GRIP1: variants seen among roughly 807,000 people sequenced by gnomAD.
GRIP1 encodes the protein glutamate receptor interacting protein 1, also known as glutamate receptor-interacting protein 1.
A neutral mutation model predicts 129.9 loss-of-function variants in GRIP1; 45 were observed. That is an observed-to-expected ratio of 0.35 (90% CI 0.27 to 0.44). GRIP1 has a LOEUF of 0.44. Ranked by LOEUF, GRIP1 falls within the 20% of genes least tolerant of loss-of-function variation. The probability of loss-of-function intolerance (pLI) is 1.00; values close to 1 mark genes in which losing one functional copy is unlikely to be tolerated. For missense variants in GRIP1, 1,196 were observed against 1,396.8 expected (o/e 0.86, Z 2.29); for synonymous variants, 530 against 520.8 (o/e 1.02, Z -0.24).
At chr12:66,632,933 G>C (rs2030966066) in intron 1 of GRIP1, among the ~76,000 whole-genome samples, 1 of 152,084 alleles carries the variant, frequency 6.6e-6, no homozygotes, top group Non-Finnish European at 1.5e-5. Context: ...TTGAAGCTCA[G>C]GGTATAAGTG....
intron 1 of GRIP1, among the ~76,000 whole-genome samples, chr12:66,772,479 G>C (rs1008394212): frequency 6.6e-6 from 1 of 152,188 alleles, no homozygotes; most frequent in African/African-American, 2.4e-5. Flanking sequence ...CATCAATCCT[G>C]TTGGTGCCAA....
intron 14 of GRIP1, among the ~76,000 whole-genome samples, chr12:66,432,099 A>ATATACAATATGCTAATAATATATAT (rs2058165758): frequency 6.6e-6 from 1 of 152,150 alleles, no homozygotes; most frequent in Admixed American, 6.5e-5. Context: ...CTGTGAATTA[A>ATATACAATATGCTAATAATATATAT]TATACAATAT....
rs191558735 is a variant in GRIP1, at chr12:66,899,162, T to G, written c.58+169888A>C. Among the ~76,000 whole-genome samples the G allele has an allele frequency of 9.5e-4, 145 of 152,286 alleles. 2 individuals carry two copies. In the East Asian group the frequency reaches 0.027, roughly 28 times the overall value. Reference sequence around the variant, plus strand: ...TCTTTTAATTCACCCCAGACTGAACTTGATCTCTATCTTCTTTGACATTAG... The same window carrying G: ...TCTTTTAATTCACCCCAGACTGAACGTGATCTCTATCTTCTTTGACATTAG... On this transcript the variant is annotated intron_variant, in intron 1 of 1. Transcript: ENST00000643019.
intron 1 of GRIP1, among the ~76,000 whole-genome samples, chr12:66,946,791 G>A (rs1198860505): frequency 7.9e-6 from 1 of 126,276 alleles, no homozygotes; most frequent in Admixed American, 7.8e-5. Flanking sequence ...GGGATGGGGG[G>A]GGTGTGGGGG....
At chr12:66,952,273 G>A (rs1287082961) in intron 1 of GRIP1, among the ~76,000 whole-genome samples, 1 of 152,106 alleles carries the variant, frequency 6.6e-6, no homozygotes, top group East Asian at 1.9e-4. Context: ...CAAGAAGGGA[G>A]TGGCCATCAG....
intron 1 of GRIP1, among the ~76,000 whole-genome samples, chr12:66,611,124 T>C (rs988365740): frequency 6.6e-6 from 1 of 152,200 alleles, no homozygotes; most frequent in Admixed American, 6.6e-5. Context: ...CAATTAGGGA[T>C]GTATTGCTCA....
chr12:66,992,448 T>C (rs1303697820), intron 1 of GRIP1, among the ~76,000 whole-genome samples: 1 of 152,156 alleles, frequency 6.6e-6, no homozygotes, highest in African/African-American at 2.4e-5. Context: ...GAAGAAAGTA[T>C]AGAGCCAAAT....
At chr12:66,401,869 C>A (rs563080546) in intron 16 of GRIP1, among the ~76,000 whole-genome samples, 1 of 152,234 alleles carries the variant, frequency 6.6e-6, no homozygotes, top group South Asian at 2.1e-4. Context: ...TTGAATGGCT[C>A]ATTCAGCGCT....
At chr12:67,031,285 A>G (rs2043018509) in intron 1 of GRIP1, among the ~76,000 whole-genome samples, 1 of 152,192 alleles carries the variant, frequency 6.6e-6, no homozygotes, top group African/African-American at 2.4e-5. Flanking sequence ...GCCTTCTCAA[A>G]GCAAACTTCT....
At chr12:67,053,694 C>T (rs1014775162) in intron 1 of GRIP1, among the ~76,000 whole-genome samples, 11 of 151,786 alleles carry the variant, frequency 7.2e-5, no homozygotes, top group Admixed American at 2.6e-4. Flanking sequence ...AAAAATTAGC[C>T]AGGCGTGGTG....
chr12:66,399,221 C>T lies in GRIP1; in HGVS notation c.1985-4869G>A, dbSNP rs569383775. ...CTTCCTCCCTCCACCGTGCCAGGAG[C>T]GTTGAGTCAGCTTTAGGGTCAACTG... On this transcript the variant is annotated intron_variant, in intron 16 of 24. Coordinates refer to ENST00000359742, the MANE Select transcript of GRIP1 (RefSeq NM_001366722.1). Among the ~76,000 whole-genome samples, 5 of 152,034 alleles carry T rather than the reference C, an allele frequency of 3.3e-5. No individual in the cohort carries two copies. In the South Asian group the frequency reaches 8.3e-4, roughly 25 times the overall value.
At chr12:66,825,687 T>C (rs2039398422) in intron 1 of GRIP1, among the ~76,000 whole-genome samples, 1 of 152,182 alleles carries the variant, frequency 6.6e-6, no homozygotes, top group Non-Finnish European at 1.5e-5. Flanking sequence ...AATGTCAGCT[T>C]TTCCTCTGCT....
upstream of GRIP1, among the ~76,000 whole-genome samples, chr12:66,804,617 G>A (rs1036730999): frequency 1.1e-4 from 16 of 152,204 alleles, no homozygotes; most frequent in South Asian, 8.3e-4. Context: ...TCTCATCATC[G>A]GGGCGGGGGT....
intron 1 of GRIP1, among the ~76,000 whole-genome samples, chr12:66,920,521 T>C (rs1351183623): frequency 1.3e-5 from 2 of 152,150 alleles, no homozygotes; most frequent in Non-Finnish European, 2.9e-5. Context: ...GTAAGCACTG[T>C]CCAGTGACTG....
intron 16 of GRIP1, among the ~76,000 whole-genome samples, chr12:66,399,332 G>C (rs945738410): frequency 2.0e-5 from 3 of 151,710 alleles, no homozygotes; most frequent in African/African-American, 7.3e-5. Flanking sequence ...ATTTAAGAAG[G>C]AATACTCAGA....
At chr12:66,857,707 G>T (rs1456892990) in intron 1 of GRIP1, among the ~76,000 whole-genome samples, 3 of 152,018 alleles carry the variant, frequency 2.0e-5, no homozygotes, top group East Asian at 1.9e-4. Flanking sequence ...ACTTCAAGGA[G>T]CTCATTTTGA....
intron 1 of GRIP1, among the ~76,000 whole-genome samples, chr12:66,967,183 TTTAA>T (rs750002788): frequency 1.3e-5 from 2 of 152,184 alleles, no homozygotes; most frequent in Non-Finnish European, 2.9e-5. Flanking sequence ...TTATTTTGCT[TTTAA>T]TTGACAAATA....
At chr12:66,478,160 A>T (rs1044446456) in intron 7 of GRIP1, among the ~76,000 whole-genome samples, 2 of 152,126 alleles carry the variant, frequency 1.3e-5, no homozygotes, top group Admixed American at 6.6e-5. Context: ...TAATCTACAA[A>T]GAACTCAAAC....
chr12:67,011,745 A>G (rs2042711237), intron 1 of GRIP1, among the ~76,000 whole-genome samples: 1 of 152,110 alleles, frequency 6.6e-6, no homozygotes. Context: ...TTGAAATCAC[A>G]TATTTATTCA....
Sources: gnomAD v4.1 joint callset for allele counts (sites outside exome capture counted in the v4.1 genomes callset) on GRCh38, gnomAD v4.1.1 for gene constraint, MANE v1.5 for transcripts, NCBI Gene and HGNC (gene_info 2026-07-23, HGNC 2026-07-21) for gene names.